Variants in TAFA5 observed in about 807,000 individuals in gnomAD.
TAFA5 encodes the protein TAFA chemokine like family member 5.
Under a neutral mutation model 15.3 loss-of-function variants are expected in TAFA5, and 6 were observed. The observed-to-expected ratio is 0.39, with a 90% CI of 0.21 to 0.77. The LOEUF is 0.77. TAFA5 is among the 30% of genes least tolerant of loss of function. The pLI, the probability that TAFA5 is intolerant of heterozygous loss-of-function variation, is 0.41. For synonymous variants in TAFA5, 103 were observed against 80.7 expected (o/e 1.28, Z -1.48); for missense variants, 161 against 193.1 (o/e 0.83, Z 0.98).
intron 1 of TAFA5, among the ~76,000 whole-genome samples, chr22:48,497,368 CCT>C (rs1276691034): frequency 8.5e-5 from 13 of 152,156 alleles, no homozygotes; most frequent in Admixed American, 7.2e-4. Context: ...GCCCCTTGCC[CCT>C]GTTTCTGCAC....
chr22:48,695,493 C>T (rs140418250), intron 2 of TAFA5, among the ~76,000 whole-genome samples: 16 of 152,272 alleles, frequency 1.1e-4, no homozygotes, highest in Middle Eastern at 3.4e-3. Flanking sequence ...GGAAGCCTGC[C>T]GTTCATGAGC....
At chr22:48,704,803 G>A (rs775815515) in intron 2 of TAFA5, among the ~76,000 whole-genome samples, 8 of 152,032 alleles carry the variant, frequency 5.3e-5, no homozygotes, top group Admixed American at 3.3e-4. Context: ...GCAAAACTCC[G>A]CATACTGAGG....
At chr22:48,571,870 A>G (rs1434500553) in intron 1 of TAFA5, among the ~76,000 whole-genome samples, 2 of 151,776 alleles carry the variant, frequency 1.3e-5, no homozygotes, top group East Asian at 3.9e-4. Flanking sequence ...ACTCTTATAA[A>G]CATATTTGAT....
intron 2 of TAFA5, among the ~76,000 whole-genome samples, chr22:48,682,385 T>G (rs905040130): frequency 6.6e-6 from 1 of 152,220 alleles, no homozygotes; most frequent in East Asian, 1.9e-4. Context: ...TACAGGTGGC[T>G]TTGGGAACAT....
chr22:48,610,644 T>TTGTCCCCAGCATGGAGGAGCAGAGGGG (rs1925368992), intron 1 of TAFA5, among the ~76,000 whole-genome samples: 3 of 151,802 alleles, frequency 2.0e-5, no homozygotes, highest in African/African-American at 7.2e-5. Flanking sequence ...CTGGAGGGCT[T>TTGTCCCCAGCATGGAGGAGCAGAGGGG]CGGGCCGTGT....
chr22:48,719,059 G>A (rs1049107776), intron 3 of TAFA5, among the ~76,000 whole-genome samples: 3 of 152,218 alleles, frequency 2.0e-5, no homozygotes, highest in African/African-American at 2.4e-5. Flanking sequence ...TGGAAGAAAC[G>A]CAGTTTTAAT....
chr22:48,639,044 T>C (rs1926580103), intron 1 of TAFA5, among the ~76,000 whole-genome samples: 1 of 152,192 alleles, frequency 6.6e-6, no homozygotes, highest in Non-Finnish European at 1.5e-5. Flanking sequence ...CCAGCTCTTC[T>C]TCTGGCCTCA....
chr22:48,502,959 CAT>C (rs1483648239), intron 1 of TAFA5, among the ~76,000 whole-genome samples: 1 of 152,304 alleles, frequency 6.6e-6, no homozygotes, highest in Non-Finnish European at 1.5e-5. Context: ...GACTCATGTT[CAT>C]TTATTGGTGC....
chr22:48,585,717 CA>C (rs1924329482), intron 1 of TAFA5, among the ~76,000 whole-genome samples: 1 of 151,698 alleles, frequency 6.6e-6, no homozygotes, highest in African/African-American at 2.4e-5. Context: ...GAATATACCA[CA>C]CACAACACAC....
chr22:48,736,297 C>T (rs1250421581), intron 3 of TAFA5, among the ~76,000 whole-genome samples: 1 of 38,380 alleles, frequency 2.6e-5, no homozygotes. Context: ...AGAGTCCATC[C>T]CCCCAGGAGG....
At chr22:48,684,362 C>T (rs1055665882) in intron 2 of TAFA5, among the ~76,000 whole-genome samples, 3 of 152,014 alleles carry the variant, frequency 2.0e-5, no homozygotes, top group South Asian at 2.1e-4. Flanking sequence ...AGGAGGCAGC[C>T]GTGAAGCGTG....
In TAFA5 at chr22:48,742,312, C is replaced by G. The variant is rs1052374903; in HGVS notation, c.391-7527C>G. 3.9e-5 allele frequency among the ~76,000 whole-genome samples: 6 copies of G among 152,334 alleles called. No individual in the cohort carries two copies. The highest frequency in any genetic ancestry group is 8.8e-5 in the Non-Finnish European group (6 of 68,030). ...GGTTCGGGAAAAGAACTGACCCCCA[C>G]GAGGATGGTCCTGGTGTTGAGAAAC... On this transcript the variant is annotated intron_variant, in intron 3 of 3. Coordinates refer to ENST00000402357, the MANE Select transcript of TAFA5 (RefSeq NM_001082967.3). This position sits in a 1 kb window ranked among gnomAD's most constrained non-coding sequence, Gnocchi z 6.2.
intron 2 of TAFA5, among the ~76,000 whole-genome samples, chr22:48,662,506 C>T (rs1006703924): frequency 2.0e-5 from 3 of 148,324 alleles, no homozygotes; most frequent in Non-Finnish European, 3.0e-5. Flanking sequence ...AGGGCCCAGG[C>T]GGTGGGGCTC....
chr22:48,703,981 G>A (rs1928997998), intron 2 of TAFA5, among the ~76,000 whole-genome samples: 1 of 152,218 alleles, frequency 6.6e-6, no homozygotes, highest in African/African-American at 2.4e-5. Flanking sequence ...TGGCTGTTAG[G>A]GCAGAACAGG....
In TAFA5 at chr22:48,572,103, A is replaced by T. The variant is rs990490065; in HGVS notation, c.113-74494A>T. 3.9e-5 allele frequency among the ~76,000 whole-genome samples: 6 copies of T among 152,286 alleles called. No individual in the cohort carries two copies. In the East Asian group the frequency reaches 1.2e-3, roughly 29 times the overall value. The stretch of plus-strand genomic sequence containing the variant: ...TAGAATAATCACAATTACGGTTATG[A>T]TTATTTTCCCTGAATTATTTCTGTC... On this transcript the variant is annotated intron_variant, in intron 1 of 3. Transcript: ENST00000402357.
At chr22:48,693,217 C>G in intron 2 of TAFA5, 1 of 1,430,284 alleles carries the variant, frequency 7.0e-7, no homozygotes, top group Non-Finnish European at 9.5e-7. Flanking sequence ...CTCACTCGTC[C>G]TCAGAGCAGC....
chr22:48,645,133 G>A (rs989412800), intron 1 of TAFA5, among the ~76,000 whole-genome samples: 1 of 152,260 alleles, frequency 6.6e-6, no homozygotes, highest in Non-Finnish European at 1.5e-5. Flanking sequence ...CATCCAGGTG[G>A]TTCCAGGGAG....
chr22:48,727,818 A>G (rs1929755071), intron 3 of TAFA5, among the ~76,000 whole-genome samples: 1 of 152,258 alleles, frequency 6.6e-6, no homozygotes, highest in Non-Finnish European at 1.5e-5. Flanking sequence ...ATATTGTCAT[A>G]TATTGATACA....
chr22:48,605,441 G>GCAA (rs879504769), intron 1 of TAFA5, among the ~76,000 whole-genome samples: 13,588 of 75,320 alleles, frequency 0.18, 823 homozygotes, highest in Non-Finnish European at 0.21. Context: ...GGTGGTGGTG[G>GCAA]TGGTGATGGC....
Sources: allele counts gnomAD v4.1 joint callset (sites outside exome capture counted in the v4.1 genomes callset), GRCh38; gene constraint gnomAD v4.1.1; non-coding constraint Gnocchi (gnomAD v3.1); transcripts MANE v1.5; gene names NCBI Gene and HGNC (gene_info 2026-07-23, HGNC 2026-07-21).